The following TNRC18 variants were observed in gnomAD, a reference collection of about 807,000 sequenced individuals.
TNRC18 encodes the protein trinucleotide repeat containing 18, also known as trinucleotide repeat-containing gene 18 protein.
Under a neutral mutation model 226.7 loss-of-function variants are expected in TNRC18, and 69 were observed. That is an observed-to-expected ratio of 0.30 (90% CI 0.25 to 0.37). The LOEUF is 0.37. Among genes scored for constraint, TNRC18 ranks in the 10% least tolerant of loss-of-function variants. The pLI, the probability that TNRC18 is intolerant of heterozygous loss-of-function variation, is 1.00. For synonymous variants in TNRC18, 2,449 were observed against 1,927.6 expected (o/e 1.27, Z -7.09); for missense variants, 4,754 against 4,256.6 (o/e 1.12, Z -3.25).
intron 18 of TNRC18, 45 bp downstream of exon 18, chr7:5,345,517 G>GGGGGGGGGGGGCCCCCCCCCCCCCCC: frequency 1.9e-5 from 7 of 377,738 alleles, no homozygotes; most frequent in Non-Finnish European, 2.9e-5. Context: ...AATGGCGTCC[G>GGGGGGGGGGGGCCCCCCCCCCCCCCC]CCCCTCCCAC....
At chr7:5,423,233 G>C (rs1782681096) in intron 1 of TNRC18, 1 of 152,228 alleles carries the variant, frequency 6.6e-6, no homozygotes, top group South Asian at 2.1e-4. Flanking sequence ...GCTCGCGTGG[G>C]TGCCCGGGGC....
intron 8 of TNRC18, 125 bp downstream of exon 8, chr7:5,376,722 G>T: frequency 8.5e-7 from 1 of 1,176,536 alleles, no homozygotes; most frequent in Non-Finnish European, 1.2e-6. Context: ...TCTGAACCCC[G>T]GTCCGCCTCC....
rs368714057 is a variant in TNRC18 at position 5,374,151 on chromosome 7, T to C, written c.3133A>G (p.Ile1045Val). The C allele has an allele frequency of 4.0e-4, 507 of 1,270,918 alleles. 1 individual carries two copies. Among genetic ancestry groups the C allele is most frequent in the Non-Finnish European group, 4.4e-4 (438 of 993,612 alleles). 78.7% of individuals were successfully genotyped at this position (1,270,918 alleles called of 1,614,324 possible). Residue 1045 changes from isoleucine (I) to valine (V), a missense_variant, in exon 10 of 30, where the codon ATC becomes GTC. Physicochemically the swap from Ile to Val is conservative, Grantham distance 29. Transcript: ENST00000430969. ...TCGGGAGCCTCCTCCTTGCGGGTGA[T>C]ACCCGGGGTGGGCGGTGGGGAGGCG... ...PPASPPPTPGITRKEEAPENV... is the reference protein window; with the variant it reads ...PPASPPPTPGVTRKEEAPENV...
chr7:5,394,296 G>A lies in TNRC18; in HGVS notation c.343+144C>T, dbSNP rs111664278. 50 of 712,646 alleles carry A rather than the reference G, an allele frequency of 7.0e-5. 2 individuals carry two copies. The highest frequency in any genetic ancestry group is 3.2e-4 in the African/African-American group (17 of 52,842). 44.1% of individuals were successfully genotyped at this position (712,646 alleles called of 1,614,324 possible). A position where few individuals can be genotyped will look rare whatever the true frequency, so the allele number is the denominator to read the frequency against. ...ACAGTGACAAGAAGAAGCCCTGAGC[G>A]TTTGAGAAACAACAGGGAAGCCAGG... On this transcript the variant is annotated intron_variant, in intron 3 of 29. Transcript: ENST00000430969. This position sits in a 1 kb window ranked among gnomAD's most constrained non-coding sequence, Gnocchi z 4.5.
In TNRC18 at chr7:5,388,249, C is replaced by A. The variant is rs777593765; in HGVS notation, c.1575G>T (p.Val525=). ...LGNFAATQMA[V]LAAQHHHSRA... is the part of the protein sequence containing the mutation. ...GGCTGTGGTGGTGCTGCGCGGCCAG[C>A]ACGGCCATCTGCGTGGCGGCGAAGT... The change falls in exon 5 of 30, where the codon GTG becomes GTT. Residue 525 remains valine (V), a synonymous_variant. Transcript: ENST00000430969. 6.2e-7 allele frequency: 1 copy of A among 1,607,850 alleles called. No individual in the cohort carries two copies. The highest frequency in any genetic ancestry group is 1.7e-5 in the Admixed American group (1 of 59,566).
In TNRC18 at chr7:5,325,175, G is replaced by A; in HGVS notation, c.6221C>T (p.Ala2074Val). The A allele has an allele frequency of 1.3e-6, 2 of 1,553,544 alleles. No individual in the cohort carries two copies. Residue 2074 changes from alanine to valine, a missense_variant, in exon 20 of 30, where the codon GCC becomes GTC. Ala to Val is a moderately conservative substitution (Grantham distance 64). Transcript: ENST00000430969. Reference protein sequence around the residue: ...PPRAPALPSEARAPHASSLTA... With the variant: ...PPRAPALPSEVRAPHASSLTA... ...CAGGGAGCTGGCGTGAGGAGCCCTGGCCTCAGAGGGCAAGGCAGGAGCTCG... is the reference window on the plus strand; with the variant it reads ...CAGGGAGCTGGCGTGAGGAGCCCTGACCTCAGAGGGCAAGGCAGGAGCTCG...
In TNRC18 at chr7:5,395,000, G is replaced by A. The variant is rs1584054543; in HGVS notation, c.188-405C>T. On this transcript the variant is annotated intron_variant, in intron 2 of 29. Transcript: ENST00000430969. The surrounding 1 kb of genome is among the most constrained non-coding windows in gnomAD (Gnocchi z 4.5). ...ACTTCCAGAGGCCACAGGGCAAGGC[G>A]GTGGGGGACTTACAGGCGGGGGGCT... Among the ~76,000 whole-genome samples, 1 of 152,176 alleles carries A rather than the reference G, an allele frequency of 6.6e-6. No homozygotes were observed. Among genetic ancestry groups the A allele is most frequent in the Non-Finnish European group, 1.5e-5 (1 of 68,026 alleles).
In TNRC18 at chr7:5,362,676, T is replaced by C; in HGVS notation, c.4369A>G (p.Ser1457Gly). The change falls in exon 12 of 30, where the codon AGC becomes GGC. Residue 1457 changes from serine (S) to glycine (G), a missense_variant. By Grantham distance (56) the Ser-to-Gly change is moderately conservative. Transcript: ENST00000430969. ...PRELKPNKKYSWMRKKEERMY... is the reference protein window; with the variant it reads ...PRELKPNKKYGWMRKKEERMY... ...CGCTCCTCCTTCTTGCGCATCCAGC[T>C]GTACTTCTTGTTGGGCTTCAGCTCC... 6.3e-7 allele frequency: 1 copy of C among 1,589,102 alleles called. No homozygotes were observed. The highest frequency in any genetic ancestry group is 8.6e-7 in the Non-Finnish European group (1 of 1,168,628).
At chr7:5,336,599 A>G (rs2128131415) in intron 18 of TNRC18, among the ~76,000 whole-genome samples, 2 of 152,092 alleles carry the variant, frequency 1.3e-5, no homozygotes, top group Admixed American at 1.3e-4. Flanking sequence ...ATAATTAGCC[A>G]GTCATGGTGG....
intron 24 of TNRC18, among the ~76,000 whole-genome samples, chr7:5,319,372 C>G (rs1788132212): frequency 1.3e-5 from 2 of 152,094 alleles, no homozygotes; most frequent in Admixed American, 6.6e-5. Context: ...TTGTCTAATC[C>G]ACATCCATAC....
chr7:5,388,842 G>A lies in TNRC18; in HGVS notation c.982C>T (p.Pro328Ser). Residue 328 changes from proline to serine, a missense_variant, in exon 5 of 30, where the codon CCG becomes TCG. Transcript: ENST00000430969. ...GGCAGCGGTGAGGGGCAGGGGCGCG[G>A]CCCAGGGAGCAGGGTCTCCGTGCGC... Reference protein sequence around the residue: ...LRRTETLLPGPRPCPSPLPPP... With the variant: ...LRRTETLLPGSRPCPSPLPPP... The A allele has an allele frequency of 1.6e-6, 2 of 1,234,356 alleles. No individual in the cohort carries two copies. Among genetic ancestry groups the A allele is most frequent in the Non-Finnish European group, 2.0e-6 (2 of 985,140 alleles). The allele number at this position is 1,234,356 out of a possible 1,614,324, so 76.5% of individuals were successfully genotyped here.
chr7:5,362,037 G>A lies in TNRC18; in HGVS notation c.4396-4C>T, dbSNP rs1793110496. The A allele has an allele frequency of 1.2e-6, 2 of 1,612,260 alleles. No homozygotes were observed. The highest frequency in any genetic ancestry group is 1.7e-6 in the Non-Finnish European group (2 of 1,179,152). On this transcript the variant is annotated splice_region_variant and splice_polypyrimidine_tract_variant and intron_variant, in intron 12 of 29. Transcript: ENST00000430969. ...GGGAGGACTTCATGGCATACATCTG[G>A]GGGAAGAACCGGGAGAGGAGGAGGG...
intron 5 of TNRC18, among the ~76,000 whole-genome samples, chr7:5,386,742 T>A (rs1165851746): frequency 1.3e-5 from 2 of 151,952 alleles, no homozygotes; most frequent in African/African-American, 2.4e-5. Context: ...AGAGCAAGAC[T>A]CTATCTCTAA....
intron 2 of TNRC18, among the ~76,000 whole-genome samples, chr7:5,399,511 A>T (rs1339887971): frequency 1.3e-5 from 2 of 151,380 alleles, no homozygotes; most frequent in Non-Finnish European, 2.9e-5. Flanking sequence ...CCAGGAGTTC[A>T]GCCTGGCAGA....
chr7:5,347,880 C>T (rs981786066), intron 17 of TNRC18, among the ~76,000 whole-genome samples: 3 of 151,732 alleles, frequency 2.0e-5, no homozygotes, highest in Admixed American at 6.6e-5. Flanking sequence ...ACTTGAACCC[C>T]GGAGGCGGAG....
At chr7:5,402,681 G>A (rs1258482263) in intron 2 of TNRC18, among the ~76,000 whole-genome samples, 5 of 151,816 alleles carry the variant, frequency 3.3e-5, no homozygotes, top group East Asian at 1.9e-4. Flanking sequence ...TGGTGAAACC[G>A]CATCTCTACT....
intron 11 of TNRC18, among the ~76,000 whole-genome samples, chr7:5,363,566 T>C (rs767275327): frequency 1.3e-5 from 2 of 152,098 alleles, no homozygotes; most frequent in African/African-American, 2.4e-5. Context: ...ATGGCGCCAC[T>C]GCACTCCAGC....
intron 13 of TNRC18, 75 bp downstream of exon 13, chr7:5,361,822 C>T (rs977823487): frequency 2.1e-5 from 32 of 1,512,812 alleles, no homozygotes; most frequent in Admixed American, 1.1e-4. Context: ...ACGCACACCT[C>T]GACGGCTGCT....
chr7:5,326,669 T>C (rs1788940898), intron 19 of TNRC18, among the ~76,000 whole-genome samples: 1 of 152,054 alleles, frequency 6.6e-6, no homozygotes. Flanking sequence ...TAGCTGGGCA[T>C]GGTGGCGGGT....
Sources: gnomAD v4.1 joint callset for allele counts (sites outside exome capture counted in the v4.1 genomes callset) on GRCh38, gnomAD v4.1.1 for gene constraint, Gnocchi (gnomAD v3.1) non-coding constraint, MANE v1.5 for transcripts, NCBI Gene and HGNC (gene_info 2026-07-23, HGNC 2026-07-21) for gene names.